Variants in AZIN1 observed in about 807,000 individuals in gnomAD.
The protein encoded by AZIN1 is antizyme inhibitor 1.
Under a neutral mutation model 47.4 loss-of-function variants are expected in AZIN1, and 12 were observed. The ratio of observed to expected loss-of-function variants is 0.25; its 90% CI spans 0.16 to 0.41. The LOEUF is 0.41. AZIN1 is among the 10% of genes least tolerant of loss of function. The probability of loss-of-function intolerance (pLI) is 1.00; values close to 1 mark genes in which losing one functional copy is unlikely to be tolerated. For synonymous variants in AZIN1, 155 were observed against 176.3 expected (o/e 0.88, Z 0.96); for missense variants, 410 against 532.4 (o/e 0.77, Z 2.26).
rs200379142 is a variant in AZIN1, at chr8:102,847,570, AT to A, written c.-95-3824del. On this transcript the variant is annotated intron_variant, in intron 2 of 11. Coordinates refer to ENST00000337198, the MANE Select transcript of AZIN1 (RefSeq NM_148174.4). ...TTGAAAAAGTAGCTCAATTTTTCCC[AT>A]TTTTTTTTTTTTTGAGAAAAGGTCT... Among the ~76,000 whole-genome samples the A allele has an allele frequency of 4.9e-3, 700 of 141,806 alleles. 1 individual carries two copies. The highest frequency in any genetic ancestry group is 0.011 in the African/African-American group (428 of 38,548). 93.0% of individuals were successfully genotyped at this position (141,806 alleles called of 152,430 possible). A position where few individuals can be genotyped will look rare whatever the true frequency, so the allele number is the denominator to read the frequency against.
In AZIN1 at chr8:102,843,136, C is replaced by T. The variant is rs374345993; in HGVS notation, c.102+415G>A. Among the ~76,000 whole-genome samples, 7 of 142,282 alleles carry T rather than the reference C, an allele frequency of 4.9e-5. No individual in the cohort carries two copies. The East Asian group carries it at 1.1e-3, about 22-fold the overall frequency. The allele number at this position is 142,282 out of a possible 152,430, so 93.3% of individuals were successfully genotyped here. A position where few individuals can be genotyped will look rare whatever the true frequency, so the allele number is the denominator to read the frequency against. On this transcript the variant is annotated intron_variant, in intron 3 of 11. Transcript: ENST00000337198. ...GAGAGAACTGCTTGAGCCCAGGAGG[C>T]GAGGGTTGCACGTGAGCCAAGATCA...
chr8:102,860,368 T>C (rs1813556789), intron 1 of AZIN1, among the ~76,000 whole-genome samples: 2 of 152,224 alleles, frequency 1.3e-5, no homozygotes, highest in South Asian at 4.1e-4. Context: ...ATTCAAGCAA[T>C]TCTCCTGCCT....
rs2131239893 is a variant in AZIN1 at position 102,843,732 on chromosome 8, T to C, written c.-80A>G. ...GCCACCAAGCCTATGTCTGGGTCCT[T>C]AGAATATGCAACAAACTGTCAAAAT... On this transcript the variant is annotated 5_prime_UTR_variant, in exon 3 of 12. An upstream open reading frame in the 5' UTR loses its in-frame stop. Coordinates refer to ENST00000337198, the MANE Select transcript of AZIN1 (RefSeq NM_148174.4). 2.5e-6 allele frequency: 4 copies of C among 1,574,080 alleles called. No individual in the cohort carries two copies. The highest frequency in any genetic ancestry group is 3.4e-4 in the Middle Eastern group (2 of 5,884).
In AZIN1 at chr8:102,843,704, C is replaced by G; in HGVS notation, c.-52G>C. 1 of 1,609,248 alleles carries G rather than the reference C, an allele frequency of 6.2e-7. No individual in the cohort carries two copies. The highest frequency in any genetic ancestry group is 8.5e-7 in the Non-Finnish European group (1 of 1,177,886). On this transcript the variant is annotated 5_prime_UTR_variant, in exon 3 of 12. Transcript: ENST00000337198. ...GTCATAAACCAGGAAAGACAAGAGA[C>G]GGGCCACCAAGCCTATGTCTGGGTC...
At chr8:102,863,125 G>C (rs1031586350) in intron 1 of AZIN1, among the ~76,000 whole-genome samples, 4 of 152,230 alleles carry the variant, frequency 2.6e-5, no homozygotes, top group African/African-American at 9.6e-5. Flanking sequence ...TTCCAGAAGG[G>C]GCCAAAAGCC....
chr8:102,834,628 A>G (rs1811700352), intron 7 of AZIN1, 38 bp downstream of exon 7: 3 of 1,491,004 alleles, frequency 2.0e-6, no homozygotes, highest in Admixed American at 1.8e-5. Flanking sequence ...ATCCTGGCTA[A>G]AATAAAATAT....
chr8:102,836,614 GCAAGTTAAGACT>G (rs1811839805), intron 5 of AZIN1: 3 of 511,688 alleles, frequency 5.9e-6, no homozygotes, highest in Non-Finnish European at 1.0e-5. Context: ...GGAAAATGCA[GCAAGTTAAGACT>G]CTGTTGTAGC....
rs199570603 is a variant in AZIN1, at chr8:102,847,356, AAAAAAAAAAAAAACAAT to A, written c.-95-3626_-95-3610del. Among the ~76,000 whole-genome samples, 2,052 of 149,716 alleles carry A rather than the reference AAAAAAAAAAAAAACAAT, an allele frequency of 0.014. 113 individuals are homozygous for A. In the East Asian group the frequency reaches 0.2, roughly 15 times the overall value. The stretch of plus-strand genomic sequence containing the variant: ...ATAGGGAGAACCCATCTCTTAAAAA[AAAAAAAAAAAAAACAAT>A]AAAGCTCTAATGGAGGTTTATTTTC... On this transcript the variant is annotated intron_variant, in intron 2 of 11. Transcript: ENST00000337198.
intron 1 of AZIN1, among the ~76,000 whole-genome samples, chr8:102,861,598 T>C (rs1813658393): frequency 6.6e-6 from 1 of 152,120 alleles, no homozygotes; most frequent in African/African-American, 2.4e-5. Context: ...ACAAATAATC[T>C]ACTGATAATC....
chr8:102,832,929 C>G (rs1811557178), intron 9 of AZIN1, 127 bp downstream of exon 9: 2 of 807,946 alleles, frequency 2.5e-6, no homozygotes, highest in African/African-American at 1.7e-5. Context: ...CGTGAGCCAC[C>G]ACGCCCGGCC....
rs922314687 is a variant in AZIN1, at chr8:102,827,841, T to C, written c.*726A>G. On this transcript the variant is annotated 3_prime_UTR_variant, in exon 12 of 12. Coordinates refer to ENST00000337198, the MANE Select transcript of AZIN1 (RefSeq NM_148174.4). ...CTTCACAATGATTTACCAAACACTT[T>C]ACTTAAATTACTAATTAAATAAATG... 14 of 152,590 alleles carry C rather than the reference T, an allele frequency of 9.2e-5. No homozygotes were observed. The highest frequency in any genetic ancestry group is 3.4e-4 in the African/African-American group (14 of 41,444). 9.5% of individuals were successfully genotyped at this position (152,590 alleles called of 1,614,324 possible).
Position 102,836,196 on chromosome 8 carries a change from GA to G in AZIN1, c.584+59del, listed in dbSNP as rs1811813047. The G allele has an allele frequency of 2.6e-6, 4 of 1,521,342 alleles. No homozygotes were observed. In the East Asian group the frequency reaches 9.1e-5, roughly 35 times the overall value. 94.2% of individuals were successfully genotyped at this position (1,521,342 alleles called of 1,614,324 possible). ...AAATAAAGTCTTAAATCAATAACCA[GA>G]AAGACAGGTTACCACCATAAAATGT... On this transcript the variant is annotated intron_variant, in intron 6 of 11. Transcript: ENST00000337198.
chr8:102,858,120 G>C lies in AZIN1; in HGVS notation c.-203C>G, dbSNP rs1436518802. 2.5e-6 allele frequency: 1 copy of C among 398,740 alleles called. No individual in the cohort carries two copies. Among genetic ancestry groups the C allele is most frequent in the African/African-American group, 2.1e-5 (1 of 48,568 alleles). The allele number at this position is 398,740 out of a possible 1,614,324, so 24.7% of individuals were successfully genotyped here. A position where few individuals can be genotyped will look rare whatever the true frequency, so the allele number is the denominator to read the frequency against. On this transcript the variant is annotated 5_prime_UTR_variant, in exon 2 of 12. Transcript: ENST00000337198. ...TACAGCACTTCTCCTAGGCCCTCTG[G>C]GTAGTTGTATACTTGGTCAGAAAGT...
chr8:102,839,402 G>A (rs1438033049), intron 4 of AZIN1, among the ~76,000 whole-genome samples: 1 of 152,174 alleles, frequency 6.6e-6, no homozygotes, highest in Non-Finnish European at 1.5e-5. Flanking sequence ...GCCTAAGAAT[G>A]AGGAACAAAT....
chr8:102,829,738 T>G (rs1421491743), intron 10 of AZIN1, 83 bp downstream of exon 10: 1 of 1,086,000 alleles, frequency 9.2e-7, no homozygotes, highest in East Asian at 2.4e-5. Flanking sequence ...AAGATGTTTT[T>G]CAAAAAACTG....
At chr8:102,835,017 C>A in intron 6 of AZIN1, 2 of 316,888 alleles carry the variant, frequency 6.3e-6, no homozygotes, top group Admixed American at 4.6e-5. Context: ...CACGGTTATA[C>A]AATAAGGTGT....
rs188827466 is a variant in AZIN1, at chr8:102,845,512, A to G, written c.-95-1765T>C. Among the ~76,000 whole-genome samples the G allele has an allele frequency of 6.6e-5, 10 of 152,322 alleles. No individual in the cohort carries two copies. In the East Asian group the frequency reaches 1.5e-3, roughly 23 times the overall value. On this transcript the variant is annotated intron_variant, in intron 2 of 11. Coordinates refer to ENST00000337198, the MANE Select transcript of AZIN1 (RefSeq NM_148174.4). ...GCCTGCACATTCTCTAAAGACTGTT[A>G]TAACAGGACTGCTGTAAATCTGTGC...
At chr8:102,859,821 G>A (rs1308814886) in intron 1 of AZIN1, among the ~76,000 whole-genome samples, 1 of 152,152 alleles carries the variant, frequency 6.6e-6, no homozygotes, top group Non-Finnish European at 1.5e-5. Flanking sequence ...AGGCAACAGA[G>A]GGAGAACCTG....
rs1423047120 is a variant in AZIN1 at position 102,853,426 on chromosome 8, C to T, written c.-96+4587G>A. On this transcript the variant is annotated intron_variant, in intron 2 of 11. Coordinates refer to ENST00000337198, the MANE Select transcript of AZIN1 (RefSeq NM_148174.4). ...CTGAGGCAGGAGAATTGATGGAACC[C>T]GGGAGGTGGAGTTTGCAGTGAGCTG... Among the ~76,000 whole-genome samples the T allele has an allele frequency of 3.3e-5, 5 of 152,114 alleles. 1 individual carries two copies. The highest frequency in any genetic ancestry group is 1.3e-4 in the Admixed American group (2 of 15,268).
Sources: allele counts gnomAD v4.1 joint callset (sites outside exome capture counted in the v4.1 genomes callset), GRCh38; gene constraint gnomAD v4.1.1; transcripts MANE v1.5; gene names NCBI Gene and HGNC (gene_info 2026-07-23, HGNC 2026-07-21).